The following LDB3 variants were observed in gnomAD, a reference collection of about 807,000 sequenced individuals.
The protein encoded by LDB3 is LIM domain-binding protein 3.
In LDB3, 49 loss-of-function variants were observed where a neutral mutation model predicts 69.0. That is an observed-to-expected ratio of 0.71 (90% CI 0.56 to 0.90). LDB3 has a LOEUF of 0.90. LDB3 is among the 40% of genes least tolerant of loss of function. The pLI is 0.00. For missense variants in LDB3, 928 were observed against 974.1 expected (o/e 0.95, Z 0.63); for synonymous variants, 387 against 396.2 (o/e 0.98, Z 0.28).
At chr10:86,682,564 T>C (rs1341035842) in intron 5 of LDB3, among the ~76,000 whole-genome samples, 1 of 152,150 alleles carries the variant, frequency 6.6e-6, no homozygotes, top group East Asian at 1.9e-4. Flanking sequence ...CTCTGAGCCC[T>C]TCACGCTTGT....
At chr10:86,704,220 G>C (rs541516191) in intron 7 of LDB3, among the ~76,000 whole-genome samples, 1 of 152,030 alleles carries the variant, frequency 6.6e-6, no homozygotes, top group African/African-American at 2.4e-5. Context: ...GGATCCCCAG[G>C]GGCTTCAAGC....
At chr10:86,676,580 GAGAA>G (rs1844805720) in intron 2 of LDB3, among the ~76,000 whole-genome samples, 1 of 99,182 alleles carries the variant, frequency 1.0e-5, no homozygotes, top group African/African-American at 4.3e-5. Flanking sequence ...AAAAAAAAAA[GAGAA>G]AGAAAAAAAA....
At chr10:86,726,336 C>A (rs1034830529) in intron 13 of LDB3, 84 bp downstream of exon 13, 22 of 979,992 alleles carry the variant, frequency 2.2e-5, no homozygotes, top group Middle Eastern at 2.1e-4. Flanking sequence ...CTCTACATAC[C>A]TTGCCACGCT....
chr10:86,685,688 A>G lies in LDB3; in HGVS notation c.689+3885A>G, dbSNP rs1845427971. The G allele has an allele frequency of 1.2e-6, 2 of 1,613,598 alleles. No individual in the cohort carries two copies. The highest frequency in any genetic ancestry group is 1.7e-6 in the Non-Finnish European group (2 of 1,179,922). ...CCTTTTCCTCCCCAGGTGGTAGTCA[A>G]CTCTCCAGCCAAGTTAGTATCAAAG... On this transcript the variant is annotated intron_variant, in intron 5 of 13. Transcript: ENST00000361373.
chr10:86,726,498 AG>A (rs1365174164), intron 13 of LDB3: 1 of 524,674 alleles, frequency 1.9e-6, no homozygotes, highest in African/African-American at 1.9e-5. Context: ...AGAGTGTCCC[AG>A]GGTTTGGCAA....
At chr10:86,669,563 G>A (rs1844342949) in intron 2 of LDB3, among the ~76,000 whole-genome samples, 2 of 152,230 alleles carry the variant, frequency 1.3e-5, no homozygotes, top group South Asian at 4.1e-4. Flanking sequence ...CCATGCTCCT[G>A]AGGAAGCACT....
intron 5 of LDB3, 81 bp from the exon 6 acceptor site, chr10:86,691,815 A>G (rs889846943): frequency 5.3e-6 from 8 of 1,502,466 alleles, no homozygotes; most frequent in Non-Finnish European, 6.5e-6. Context: ...GGGGCCACCA[A>G]TGGGCATGGA....
In LDB3 at chr10:86,706,638, C is replaced by G. The variant is rs1326596860; in HGVS notation, c.1004C>G (p.Pro335Arg). The change falls in exon 8 of 14, where the codon CCC (proline) becomes CGC (arginine). Residue 335 changes from proline (P) to arginine (R), a missense_variant. Transcript: ENST00000361373. Reference sequence around the variant, plus strand: ...GCCTCTCCCAGTGCGGCTTCGCCACCCCTGGCCACAGCTGCTGCCCACACT... The same window carrying G: ...GCCTCTCCCAGTGCGGCTTCGCCACGCCTGGCCACAGCTGCTGCCCACACT... ...AAASPSAASP[P>R]LATAAAHTAI... 1 of 1,613,184 alleles carries G rather than the reference C, an allele frequency of 6.2e-7. No homozygotes were observed. Among genetic ancestry groups the G allele is most frequent in the East Asian group, 2.2e-5 (1 of 44,878 alleles).
At chr10:86,706,499 G>A (rs1173384586) in intron 7 of LDB3, 32 bp from the exon 8 acceptor site, 2 of 1,608,804 alleles carry the variant, frequency 1.2e-6, no homozygotes, top group Non-Finnish European at 1.7e-6. Flanking sequence ...AGGCTCCCTT[G>A]ACCTGTTGTC....
intron 8 of LDB3, among the ~76,000 whole-genome samples, chr10:86,708,796 C>T (rs774479440): frequency 5.9e-5 from 9 of 152,164 alleles, no homozygotes; most frequent in Non-Finnish European, 1.0e-4. Flanking sequence ...GCCCCTCAGA[C>T]CTCTCTGGAT....
chr10:86,686,649 T>C (rs1845480641), intron 5 of LDB3, among the ~76,000 whole-genome samples: 1 of 150,358 alleles, frequency 6.7e-6, no homozygotes, highest in Non-Finnish European at 1.5e-5. Flanking sequence ...AGACTCTGTC[T>C]TTACAGAAAA....
intron 5 of LDB3, among the ~76,000 whole-genome samples, chr10:86,685,003 C>T (rs1217415084): frequency 3.3e-5 from 5 of 152,310 alleles, no homozygotes; most frequent in East Asian, 1.9e-4. Context: ...TGCGCCTGCT[C>T]GCTCCTCCAT....
Position 86,734,069 on chromosome 10 carries a change from G to A in LDB3, c.*1093G>A, listed in dbSNP as rs45595736. 2.6e-5 allele frequency: 4 copies of A among 152,324 alleles called. No homozygotes were observed. The highest frequency in any genetic ancestry group is 3.9e-4 in the East Asian group (2 of 5,186). The allele number at this position is 152,324 out of a possible 1,614,324, so 9.4% of individuals were successfully genotyped here. A position where few individuals can be genotyped will look rare whatever the true frequency, so the allele number is the denominator to read the frequency against. On this transcript the variant is annotated 3_prime_UTR_variant, in exon 14 of 14. Transcript: ENST00000361373. ...TCTGCCACCCTCAGTAAGAACACAC[G>A]AGGAGGCAGGACCTCCCACCTTCAG...
chr10:86,696,360 G>C (rs898053834), intron 7 of LDB3, among the ~76,000 whole-genome samples: 2 of 152,162 alleles, frequency 1.3e-5, no homozygotes, highest in Non-Finnish European at 2.9e-5. Context: ...TGCCACCCTA[G>C]CGAGTTTGAA....
chr10:86,704,070 C>T (rs1195623705), intron 7 of LDB3, among the ~76,000 whole-genome samples: 4 of 150,998 alleles, frequency 2.6e-5, no homozygotes, highest in Non-Finnish European at 4.4e-5. Context: ...GCCGAGATCG[C>T]GACATTGCAC....
chr10:86,702,526 C>T (rs1164345090), intron 7 of LDB3, among the ~76,000 whole-genome samples: 5 of 152,180 alleles, frequency 3.3e-5, no homozygotes, highest in African/African-American at 9.7e-5. Flanking sequence ...CTCCTGGCCA[C>T]GCCAACCCCC....
intron 8 of LDB3, among the ~76,000 whole-genome samples, chr10:86,708,709 A>T (rs932175896): frequency 2.6e-5 from 4 of 152,228 alleles, no homozygotes; most frequent in Admixed American, 6.5e-5. Context: ...GCAGCTTGAC[A>T]GGGCAAGTGT....
intron 7 of LDB3, among the ~76,000 whole-genome samples, chr10:86,703,286 TGA>T (rs539465091): frequency 2.6e-4 from 39 of 152,200 alleles, no homozygotes; most frequent in Non-Finnish European, 2.9e-5. Context: ...CTGCCCACAC[TGA>T]GAGGAGGGTC....
intron 6 of LDB3, 71 bp from the exon 7 acceptor site, chr10:86,692,464 C>A: frequency 6.8e-7 from 1 of 1,480,012 alleles, no homozygotes; most frequent in South Asian, 1.1e-5. Flanking sequence ...GACTCAGTGC[C>A]CACAGAGCCC....
Sources: gnomAD v4.1 joint callset for allele counts (sites outside exome capture counted in the v4.1 genomes callset) on GRCh38, gnomAD v4.1.1 for gene constraint, MANE v1.5 for transcripts, NCBI Gene and HGNC (gene_info 2026-07-23, HGNC 2026-07-21) for gene names.